Variants in SGCZ observed in about 807,000 individuals in gnomAD.
The protein encoded by SGCZ is sarcoglycan zeta.
A neutral mutation model predicts 41.3 loss-of-function variants in SGCZ; 40 were observed. That is an observed-to-expected ratio of 0.97 (90% CI 0.75 to 1.26). The LOEUF is 1.26. SGCZ is among the 50% of genes most tolerant of loss of function. The pLI is 0.00. For missense variants in SGCZ, 552 were observed against 369.8 expected (o/e 1.49, Z -4.04); for synonymous variants, 206 against 137.5 (o/e 1.50, Z -3.49).
chr8:15,103,480 C>G (rs970586809), intron 1 of SGCZ, among the ~76,000 whole-genome samples: 2 of 151,908 alleles, frequency 1.3e-5, no homozygotes, highest in Non-Finnish European at 2.9e-5. Flanking sequence ...AGTAAAATCT[C>G]TTGTAAAACA....
chr8:15,150,571 T>G (rs1159907287), intron 1 of SGCZ, among the ~76,000 whole-genome samples: 1 of 152,164 alleles, frequency 6.6e-6, no homozygotes. Context: ...TATAAAGCAA[T>G]TGAAGTCGGT....
At chr8:14,307,889 A>C (rs1316378203) in intron 3 of SGCZ, among the ~76,000 whole-genome samples, 1 of 152,096 alleles carries the variant, frequency 6.6e-6, no homozygotes, top group African/African-American at 2.4e-5. Flanking sequence ...TTGCATTTCA[A>C]ATTATTTGCA....
chr8:14,300,319 A>G (rs1388755677), intron 3 of SGCZ, among the ~76,000 whole-genome samples: 2 of 151,586 alleles, frequency 1.3e-5, no homozygotes, highest in African/African-American at 4.8e-5. Flanking sequence ...GGAAGGAAAG[A>G]ACAAAGAGAG....
At position 14,319,301 on chromosome 8, in the gene SGCZ, C is replaced by T. The variant is rs111382934; in HGVS notation, c.336+4802G>A. Among the ~76,000 whole-genome samples, 8 of 151,952 alleles carry T rather than the reference C, an allele frequency of 5.3e-5. No homozygotes were observed. In the East Asian group the frequency reaches 7.7e-4, roughly 15 times the overall value. On this transcript the variant is annotated intron_variant, in intron 3 of 7. Coordinates refer to ENST00000382080, the MANE Select transcript of SGCZ (RefSeq NM_139167.4). ...TACCAAGGTGCCCTTGGATTTCTTC[C>T]GGCAATATTCAGTGCTTGGACTTAA...
intron 7 of SGCZ, among the ~76,000 whole-genome samples, chr8:14,092,343 A>G (rs1801711770): frequency 6.6e-6 from 1 of 151,960 alleles, no homozygotes; most frequent in African/African-American, 2.4e-5. Context: ...AGTTTTTTCC[A>G]GTTGTGTGAA....
chr8:14,543,032 C>G (rs1803518096), intron 2 of SGCZ, among the ~76,000 whole-genome samples: 1 of 151,780 alleles, frequency 6.6e-6, no homozygotes, highest in African/African-American at 2.4e-5. Flanking sequence ...AGCTATTACA[C>G]TCTGTGTTAT....
chr8:14,245,954 C>G (rs939930643), intron 3 of SGCZ, among the ~76,000 whole-genome samples: 1 of 152,140 alleles, frequency 6.6e-6, no homozygotes, highest in African/African-American at 2.4e-5. Flanking sequence ...GCAACAGGTG[C>G]TGGAGAGGAT....
chr8:14,354,480 G>T (rs998104636), intron 2 of SGCZ, among the ~76,000 whole-genome samples: 8 of 151,698 alleles, frequency 5.3e-5, no homozygotes, highest in African/African-American at 1.7e-4. Flanking sequence ...TGTAGATTAA[G>T]GATAAGATCT....
chr8:14,502,079 T>A (rs1435236513), intron 2 of SGCZ, among the ~76,000 whole-genome samples: 2 of 152,114 alleles, frequency 1.3e-5, no homozygotes, highest in Non-Finnish European at 2.9e-5. Context: ...CTTTTGTTTG[T>A]CAGGTAGTTT....
At chr8:15,172,862 T>C (rs181814422) in intron 1 of SGCZ, among the ~76,000 whole-genome samples, 10 of 152,356 alleles carry the variant, frequency 6.6e-5, no homozygotes, top group Admixed American at 3.9e-4. Flanking sequence ...ATAAATGGGT[T>C]GTTCTATTGA....
At chr8:15,074,541 T>C (rs1014391020) in intron 1 of SGCZ, among the ~76,000 whole-genome samples, 3 of 152,182 alleles carry the variant, frequency 2.0e-5, no homozygotes, top group African/African-American at 7.2e-5. Context: ...CCCGGATGTA[T>C]ACGGGGTACA....
chr8:14,095,069 G>T (rs11990291), intron 7 of SGCZ, among the ~76,000 whole-genome samples: 27 of 151,908 alleles, frequency 1.8e-4, no homozygotes, highest in African/African-American at 6.3e-4. Flanking sequence ...CTCTCATTCT[G>T]CAGGTTGCCT....
chr8:14,326,555 G>C (rs1802124364), intron 2 of SGCZ, among the ~76,000 whole-genome samples: 1 of 152,018 alleles, frequency 6.6e-6, no homozygotes, highest in Non-Finnish European at 1.5e-5. Flanking sequence ...TAAGAGATTT[G>C]GGTTAAATTA....
chr8:14,527,066 C>G (rs115743119), intron 2 of SGCZ, among the ~76,000 whole-genome samples: 14,636 of 151,992 alleles, frequency 0.096, 1,332 homozygotes, highest in African/African-American at 0.24. Context: ...AAGATCCCAG[C>G]CCTCACTAGC....
intron 1 of SGCZ, among the ~76,000 whole-genome samples, chr8:14,866,228 G>A (rs959416172): frequency 9.9e-5 from 15 of 151,968 alleles, no homozygotes; most frequent in Admixed American, 7.9e-4. Flanking sequence ...TTTCAAACTT[G>A]TTCTTCCGTC....
At chr8:14,825,456 T>C (rs1192826812) in intron 1 of SGCZ, among the ~76,000 whole-genome samples, 1 of 152,228 alleles carries the variant, frequency 6.6e-6, no homozygotes, top group Non-Finnish European at 1.5e-5. Context: ...AAAAGTAATT[T>C]GTGCATTGTC....
intron 2 of SGCZ, among the ~76,000 whole-genome samples, chr8:14,401,562 T>C (rs1468220629): frequency 2.0e-5 from 3 of 150,672 alleles, no homozygotes; most frequent in Non-Finnish European, 4.4e-5. Context: ...CTTGCGATAG[T>C]TTACTGAGAA....
At chr8:14,684,304 G>C (rs1808538347) in intron 1 of SGCZ, among the ~76,000 whole-genome samples, 1 of 152,056 alleles carries the variant, frequency 6.6e-6, no homozygotes. Context: ...TATTAAATAA[G>C]ACAATCAAGT....
chr8:14,845,411 C>A (rs566536041), intron 1 of SGCZ, among the ~76,000 whole-genome samples: 1 of 152,182 alleles, frequency 6.6e-6, no homozygotes, highest in East Asian at 1.9e-4. Flanking sequence ...AAAGCAGCAC[C>A]CAAATAGTAA....
Sources: allele counts gnomAD v4.1 joint callset (sites outside exome capture counted in the v4.1 genomes callset), GRCh38; gene constraint gnomAD v4.1.1; transcripts MANE v1.5; gene names NCBI Gene and HGNC (gene_info 2026-07-23, HGNC 2026-07-21).